Variants in TMEM132C observed in about 807,000 individuals in gnomAD.
The protein encoded by TMEM132C is transmembrane protein 132C.
Under a neutral mutation model 61.4 loss-of-function variants are expected in TMEM132C, and 29 were observed. That is an observed-to-expected ratio of 0.47 (90% CI 0.35 to 0.64). The LOEUF is 0.64. Among genes scored for constraint, TMEM132C ranks in the 30% least tolerant of loss-of-function variants. The pLI is 0.00. For missense variants in TMEM132C, 1,408 were observed against 1,476.9 expected, an observed-to-expected ratio of 0.95 and a Z score of 0.76; for synonymous variants, 656 against 633.1, an observed-to-expected ratio of 1.04 and a Z score of -0.54.
At chr12:128,323,971 A>G (rs1872423209) in intron 1 of TMEM132C, among the ~76,000 whole-genome samples, 1 of 152,212 alleles carries the variant, frequency 6.6e-6, no homozygotes, top group African/African-American at 2.4e-5. Context: ...TCTTTGAGAA[A>G]ACTTCCCAGA....
At chr12:128,465,822 G>A (rs901270585) in intron 2 of TMEM132C, among the ~76,000 whole-genome samples, 1 of 152,166 alleles carries the variant, frequency 6.6e-6, no homozygotes, top group African/African-American at 2.4e-5. Context: ...GTGGTTCTGC[G>A]GCACCGGGTG....
intron 1 of TMEM132C, among the ~76,000 whole-genome samples, chr12:128,407,287 T>C (rs1593042383): frequency 6.6e-6 from 1 of 152,324 alleles, no homozygotes; most frequent in Middle Eastern, 3.4e-3. Context: ...TCCTTTACCT[T>C]CCACCATGAT....
chr12:128,602,482 A>G (rs932837439), intron 3 of TMEM132C, among the ~76,000 whole-genome samples: 1 of 152,210 alleles, frequency 6.6e-6, no homozygotes, highest in African/African-American at 2.4e-5. Context: ...CAAGCTCGTC[A>G]TGGCACTGCC....
chr12:128,632,624 A>G (rs1328017313), intron 4 of TMEM132C, among the ~76,000 whole-genome samples: 3 of 152,246 alleles, frequency 2.0e-5, no homozygotes, highest in Non-Finnish European at 2.9e-5. Flanking sequence ...ATAACAGAGT[A>G]GGAGGAGCAC....
intron 2 of TMEM132C, among the ~76,000 whole-genome samples, chr12:128,459,137 C>G (rs1358907756): frequency 6.6e-6 from 1 of 152,132 alleles, no homozygotes; most frequent in Non-Finnish European, 1.5e-5. Context: ...GACCAGCAGC[C>G]CCTTTGGAGA....
intron 1 of TMEM132C, among the ~76,000 whole-genome samples, chr12:128,275,967 G>A (rs970898003): frequency 1.3e-5 from 2 of 152,260 alleles, no homozygotes; most frequent in East Asian, 1.9e-4. Flanking sequence ...CAGCATCACA[G>A]CAATCTTTGC....
intron 2 of TMEM132C, among the ~76,000 whole-genome samples, chr12:128,503,039 C>G (rs936960068): frequency 6.6e-6 from 1 of 152,214 alleles, no homozygotes; most frequent in African/African-American, 2.4e-5. Flanking sequence ...AACTTGAAGG[C>G]TAAAATGTGT....
At chr12:128,342,131 C>T (rs1452798477) in intron 1 of TMEM132C, among the ~76,000 whole-genome samples, 1 of 152,092 alleles carries the variant, frequency 6.6e-6, no homozygotes, top group African/African-American at 2.4e-5. Flanking sequence ...GCCTCAGCCT[C>T]CAGAGTAGCT....
chr12:128,616,214 T>C lies in TMEM132C; in HGVS notation c.1184T>C (p.Leu395Pro), dbSNP rs1876794334. 4 of 1,551,780 alleles carry C rather than the reference T, an allele frequency of 2.6e-6. No individual in the cohort carries two copies. The highest frequency in any genetic ancestry group is 2.6e-6 in the Non-Finnish European group (3 of 1,146,996). Residue 395 changes from leucine (L) to proline (P), a missense_variant, in exon 4 of 9, where the codon CTT (leucine) becomes CCT (proline). Transcript: ENST00000435159. ...MNFEIASFSS[L>P]SGTQPITWQV... ...TTTGAAATAGCCAGTTTCAGCAGCCTTTCAGGGACTCAGCCCATCACGTGG... is the reference window on the plus strand; with the variant it reads ...TTTGAAATAGCCAGTTTCAGCAGCCCTTCAGGGACTCAGCCCATCACGTGG...
intron 1 of TMEM132C, among the ~76,000 whole-genome samples, chr12:128,377,020 A>G (rs1874213267): frequency 6.6e-6 from 1 of 152,102 alleles, no homozygotes; most frequent in South Asian, 2.1e-4. Context: ...CACTGAACTA[A>G]GAGATTTTTA....
intron 1 of TMEM132C, among the ~76,000 whole-genome samples, chr12:128,373,106 G>A (rs558028512): frequency 1.1e-4 from 17 of 152,238 alleles, no homozygotes; most frequent in Middle Eastern, 3.4e-3. Flanking sequence ...ACAAGCTATC[G>A]GAGGAGGAAC....
chr12:128,629,973 A>AAC (rs1351996270), intron 4 of TMEM132C, among the ~76,000 whole-genome samples: 1 of 151,290 alleles, frequency 6.6e-6, no homozygotes, highest in Non-Finnish European at 1.5e-5. Context: ...TCTAAATTAA[A>AAC]AAAAAAAAAA....
At chr12:128,469,924 C>T (rs1870890136) in intron 2 of TMEM132C, among the ~76,000 whole-genome samples, 1 of 151,928 alleles carries the variant, frequency 6.6e-6, no homozygotes, top group African/African-American at 2.4e-5. Context: ...TATATAAATA[C>T]ATACACATAT....
intron 1 of TMEM132C, among the ~76,000 whole-genome samples, chr12:128,386,388 G>T (rs1481705918): frequency 2.0e-5 from 3 of 152,118 alleles, no homozygotes; most frequent in Non-Finnish European, 4.4e-5. Flanking sequence ...CCCCCTCCAG[G>T]GGCACAGGCA....
intron 3 of TMEM132C, among the ~76,000 whole-genome samples, chr12:128,571,527 G>A (rs1340205169): frequency 6.6e-6 from 1 of 152,134 alleles, no homozygotes; most frequent in African/African-American, 2.4e-5. Flanking sequence ...TTCAACGGAA[G>A]CTCCGTACCC....
chr12:128,504,823 G>A (rs1300410130), intron 2 of TMEM132C, among the ~76,000 whole-genome samples: 1 of 129,484 alleles, frequency 7.7e-6, no homozygotes, highest in African/African-American at 2.8e-5. Flanking sequence ...GGGGGTGGGG[G>A]TGGGGGTGGG....
At chr12:128,667,071 A>C (rs951336142) in intron 4 of TMEM132C, among the ~76,000 whole-genome samples, 1 of 152,244 alleles carries the variant, frequency 6.6e-6, no homozygotes, top group Admixed American at 6.5e-5. Context: ...CTCCGTCTCA[A>C]AATATATATA....
chr12:128,454,384 T>G (rs930072488), intron 2 of TMEM132C, among the ~76,000 whole-genome samples: 1 of 152,258 alleles, frequency 6.6e-6, no homozygotes, highest in East Asian at 1.9e-4. Flanking sequence ...GATTTGCTCT[T>G]TCTCACCTAT....
At chr12:128,669,293 C>T (rs982172985) in intron 4 of TMEM132C, 124 bp from the exon 5 acceptor site, 5 of 1,103,492 alleles carry the variant, frequency 4.5e-6, no homozygotes, top group Non-Finnish European at 6.3e-6. Flanking sequence ...GTAAATGGTA[C>T]AGTGTGTCTT....
Sources: allele counts gnomAD v4.1 joint callset (sites outside exome capture counted in the v4.1 genomes callset), GRCh38; gene constraint gnomAD v4.1.1; transcripts MANE v1.5; gene names NCBI Gene and HGNC (gene_info 2026-07-23, HGNC 2026-07-21).